Variants in CALN1 observed in about 807,000 individuals in gnomAD.
The protein encoded by CALN1 is calneuron 1.
Under a neutral mutation model 30.6 loss-of-function variants are expected in CALN1, and 17 were observed. The ratio of observed to expected loss-of-function variants is 0.56; its 90% confidence interval spans 0.38 to 0.83. The LOEUF (loss-of-function observed/expected upper bound fraction) is 0.83. CALN1 is among the 40% of genes least tolerant of loss of function. CALN1 has a pLI of 0.00. For missense variants in CALN1, 291 were observed against 354.9 expected (o/e 0.82, Z 1.45); for synonymous variants, 156 against 131.4 (o/e 1.19, Z -1.28).
intron 5 of CALN1, among the ~76,000 whole-genome samples, chr7:71,812,991 C>A (rs1197266697): frequency 6.6e-6 from 1 of 150,816 alleles, no homozygotes; most frequent in African/African-American, 2.4e-5. Context: ...CTCTGTCACC[C>A]AGGCTGGAGT....
At chr7:72,324,180 G>A (rs1025666792) in intron 2 of CALN1, among the ~76,000 whole-genome samples, 2 of 152,140 alleles carry the variant, frequency 1.3e-5, no homozygotes, top group African/African-American at 4.8e-5. Flanking sequence ...CTCCTGGGAT[G>A]TGATTAGAGC....
At chr7:72,343,660 T>A (rs1198818114) in intron 2 of CALN1, among the ~76,000 whole-genome samples, 2 of 152,170 alleles carry the variant, frequency 1.3e-5, no homozygotes, top group African/African-American at 4.8e-5. Flanking sequence ...TTTTTCCAGA[T>A]GCCTATGAGA....
At chr7:71,976,765 A>G (rs998826072) in intron 5 of CALN1, among the ~76,000 whole-genome samples, 6 of 152,196 alleles carry the variant, frequency 3.9e-5, no homozygotes, top group African/African-American at 1.2e-4. Flanking sequence ...TGCTTATGAG[A>G]TAAAAGAACT....
At chr7:72,404,180 G>A (rs1806542996) in intron 1 of CALN1, among the ~76,000 whole-genome samples, 1 of 152,216 alleles carries the variant, frequency 6.6e-6, no homozygotes, top group Non-Finnish European at 1.5e-5. Context: ...CCCTTGGTTG[G>A]GTTAAGGCAC....
intron 1 of CALN1, among the ~76,000 whole-genome samples, chr7:72,425,785 A>G (rs912394345): frequency 6.6e-6 from 1 of 152,182 alleles, no homozygotes; most frequent in Non-Finnish European, 1.5e-5. Flanking sequence ...TTGACTTTGC[A>G]GATTCTTAAG....
intron 2 of CALN1, among the ~76,000 whole-genome samples, chr7:72,397,900 G>A (rs1806086358): frequency 6.6e-6 from 1 of 152,052 alleles, no homozygotes; most frequent in Admixed American, 6.6e-5. Flanking sequence ...CTTGATGAAG[G>A]TACCCACTGC....
At chr7:72,227,736 AAAAT>A (rs935143911) in intron 3 of CALN1, among the ~76,000 whole-genome samples, 1 of 151,690 alleles carries the variant, frequency 6.6e-6, no homozygotes, top group Non-Finnish European at 1.5e-5. Flanking sequence ...CTCTGAATCT[AAAAT>A]AAAAAGTTAC....
intron 2 of CALN1, among the ~76,000 whole-genome samples, chr7:72,330,201 G>C (rs1319029940): frequency 3.3e-5 from 5 of 152,000 alleles, no homozygotes; most frequent in South Asian, 2.1e-4. Flanking sequence ...GCTGAGGCAG[G>C]AGAATTTCTT....
chr7:71,976,320 G>C (rs1217282399), intron 5 of CALN1, among the ~76,000 whole-genome samples: 2 of 152,144 alleles, frequency 1.3e-5, no homozygotes, highest in Non-Finnish European at 2.9e-5. Context: ...ATGATAGCTG[G>C]ACGTGACCTT....
At chr7:72,194,360 G>A (rs1309122011) in intron 3 of CALN1, among the ~76,000 whole-genome samples, 1 of 152,010 alleles carries the variant, frequency 6.6e-6, no homozygotes, top group Non-Finnish European at 1.5e-5. Context: ...GTGAAACCCT[G>A]TGTCTACTAA....
intron 1 of CALN1, among the ~76,000 whole-genome samples, chr7:72,411,291 A>G (rs571907888): frequency 6.6e-6 from 1 of 152,306 alleles, no homozygotes; most frequent in South Asian, 2.1e-4. Flanking sequence ...ACTTTAGAAC[A>G]TAATATTTTG....
chr7:72,240,189 TTTC>T (rs895145437), intron 3 of CALN1, among the ~76,000 whole-genome samples: 1 of 141,230 alleles, frequency 7.1e-6, no homozygotes, highest in African/African-American at 2.9e-5. Flanking sequence ...CTTGGGGAAA[TTTC>T]TTTTTTTTTT....
chr7:72,384,977 T>C (rs1164584422), intron 2 of CALN1, among the ~76,000 whole-genome samples: 1 of 152,032 alleles, frequency 6.6e-6, no homozygotes, highest in Non-Finnish European at 1.5e-5. Flanking sequence ...AAGAATCTCA[T>C]GGGAAAAGTG....
At chr7:72,426,946 C>T (rs1043600149) in intron 1 of CALN1, among the ~76,000 whole-genome samples, 3 of 152,152 alleles carry the variant, frequency 2.0e-5, no homozygotes, top group African/African-American at 7.2e-5. Flanking sequence ...ACAGGAGCCC[C>T]CCATTGGCCT....
At chr7:71,981,866 T>C (rs1798414451) in intron 5 of CALN1, among the ~76,000 whole-genome samples, 1 of 152,102 alleles carries the variant, frequency 6.6e-6, no homozygotes, top group Admixed American at 6.5e-5. Context: ...CACAGAAGTC[T>C]TCCTCTGTGT....
At chr7:72,304,964 C>T (rs1799547581) in intron 2 of CALN1, among the ~76,000 whole-genome samples, 2 of 152,194 alleles carry the variant, frequency 1.3e-5, no homozygotes, top group Admixed American at 1.3e-4. Context: ...ATTTCCTCCA[C>T]GTGGGAGTAA....
At chr7:71,853,769 G>A (rs936860864) in intron 5 of CALN1, among the ~76,000 whole-genome samples, 2 of 151,976 alleles carry the variant, frequency 1.3e-5, no homozygotes, top group Non-Finnish European at 2.9e-5. Flanking sequence ...TAGTAGAGAC[G>A]GGGTTTCACC....
Position 71,850,316 on chromosome 7 carries a change from A to C in CALN1, c.502-39824T>G, listed in dbSNP as rs1381365086. 2.0e-5 allele frequency among the ~76,000 whole-genome samples: 3 copies of C among 152,260 alleles called. No individual in the cohort carries two copies. The East Asian group carries it at 5.8e-4, about 29-fold the overall frequency. On this transcript the variant is annotated intron_variant, in intron 5 of 6. Transcript: ENST00000395275. ...CTGCAACCTCCGCCTCCCGGGTTCA[A>C]GCGATTCTCCTGCCTCATCCTCAAG...
At chr7:72,335,089 G>A (rs376922561) in intron 2 of CALN1, among the ~76,000 whole-genome samples, 1 of 152,158 alleles carries the variant, frequency 6.6e-6, no homozygotes, top group African/African-American at 2.4e-5. Flanking sequence ...AGAGGTCTGA[G>A]GTGACACCTG....
Sources: gnomAD v4.1 joint callset for allele counts (sites outside exome capture counted in the v4.1 genomes callset) on GRCh38, gnomAD v4.1.1 for gene constraint, MANE v1.5 for transcripts, NCBI Gene and HGNC (gene_info 2026-07-23, HGNC 2026-07-21) for gene names.